The following NPIPB2 variants were observed in gnomAD, a reference collection of about 807,000 sequenced individuals.
The protein encoded by NPIPB2 is nuclear pore complex interacting protein family member B2.
NPIPB2 carries 27 observed loss-of-function variants against 30.8 expected under a neutral mutation model. The observed-to-expected ratio is 0.88, with a 90% CI of 0.65 to 1.21. The LOEUF (loss-of-function observed/expected upper bound fraction) is 1.21. Ranked by LOEUF, NPIPB2 falls within the 50% of genes most tolerant of loss-of-function variation. NPIPB2 has a pLI of 0.00. For missense variants in NPIPB2, 440 were observed against 446.2 expected (o/e 0.99, Z 0.13); for synonymous variants, 147 against 162.0 (o/e 0.91, Z 0.70).
At chr16:11,965,170 C>G (rs1040927030) in intron 1 of NPIPB2, 1 of 882,064 alleles carries the variant, frequency 1.1e-6, no homozygotes, top group Non-Finnish European at 1.8e-6. Context: ...CGCGAAGACA[C>G]AGACAGCCCC....
intron 1 of NPIPB2, among the ~76,000 whole-genome samples, chr16:11,952,212 G>A (rs1364758082): frequency 1.3e-5 from 2 of 151,204 alleles, no homozygotes; most frequent in Admixed American, 6.6e-5. Flanking sequence ...GCTGGGTGTG[G>A]TGGCGGGCGT....
At chr16:11,943,059 C>G (rs1162926421), upstream of NPIPB2, among the ~76,000 whole-genome samples, 1 of 152,244 alleles carries the variant, frequency 6.6e-6, no homozygotes, top group Admixed American at 6.5e-5. Flanking sequence ...TGATGGCTCA[C>G]GCCTGTAATC....
intron 1 of NPIPB2, among the ~76,000 whole-genome samples, chr16:11,948,900 G>A (rs1484547645): frequency 1.3e-5 from 2 of 152,114 alleles, no homozygotes; most frequent in African/African-American, 4.8e-5. Context: ...CACTTCGGGA[G>A]GCTGAAGTGG....
intron 1 of NPIPB2, among the ~76,000 whole-genome samples, chr16:11,950,615 G>T (rs555407102): frequency 6.6e-6 from 1 of 152,054 alleles, no homozygotes; most frequent in Non-Finnish European, 1.5e-5. Context: ...AATGTTCTTT[G>T]CACTCTGCCC....
chr16:11,938,284 G>A (rs1654363393), intron 1 of NPIPB2, among the ~76,000 whole-genome samples: 1 of 152,058 alleles, frequency 6.6e-6, no homozygotes, highest in Admixed American at 6.6e-5. Context: ...CCAAAGTGCT[G>A]GGATTACAGG....
chr16:11,941,757 G>T, intron 1 of NPIPB2: 3 of 918,148 alleles, frequency 3.3e-6, no homozygotes, highest in East Asian at 2.6e-5. Flanking sequence ...AGTAGCGCCC[G>T]CATCATTCCA....
chr16:11,940,469 G>A (rs77587670), intron 1 of NPIPB2, among the ~76,000 whole-genome samples: 38,035 of 146,600 alleles, frequency 0.26, 5,670 homozygotes, highest in East Asian at 0.57. Context: ...GGCCAGGCGC[G>A]GTGGCTCACG....
chr16:11,976,478 C>A (rs1257636924), intron 1 of NPIPB2: 1 of 322,744 alleles, frequency 3.1e-6, no homozygotes, highest in Non-Finnish European at 5.6e-6. Context: ...GACGAAGTCG[C>A]CCCATCACTC....
At chr16:11,946,278 G>A (rs2150923158), upstream of NPIPB2, among the ~76,000 whole-genome samples, 1 of 151,086 alleles carries the variant, frequency 6.6e-6, no homozygotes, top group East Asian at 1.9e-4. Context: ...CCAGCTACTT[G>A]GGAGGCTGAG....
chr16:11,941,932 G>A (rs973507859), intron 1 of NPIPB2, 51 bp downstream of exon 1: 12 of 1,032,406 alleles, frequency 1.2e-5, no homozygotes, highest in African/African-American at 6.5e-5. Context: ...CACTTTTGGC[G>A]ACAAAACATA....
intron 1 of NPIPB2, among the ~76,000 whole-genome samples, chr16:11,938,349 G>C (rs1451786562): frequency 1.4e-5 from 2 of 143,562 alleles, no homozygotes; most frequent in East Asian, 2.1e-4. Context: ...TGTTGTTTTT[G>C]AGATGGGGTC....
intron 1 of NPIPB2, among the ~76,000 whole-genome samples, chr16:11,941,654 T>G (rs2054942421): frequency 6.6e-6 from 1 of 151,764 alleles, no homozygotes; most frequent in Non-Finnish European, 1.5e-5. Context: ...GGGCCCTCCC[T>G]TACCAACCCT....
At chr16:11,941,753 G>C in intron 1 of NPIPB2, 1 of 893,790 alleles carries the variant, frequency 1.1e-6, no homozygotes, top group South Asian at 1.4e-5. Context: ...GCCAAGTAGC[G>C]CCCGCATCAT....
At chr16:11,975,788 A>G (rs2055285178) in intron 1 of NPIPB2, among the ~76,000 whole-genome samples, 1 of 151,868 alleles carries the variant, frequency 6.6e-6, no homozygotes, top group Non-Finnish European at 1.5e-5. Flanking sequence ...ATGGGGTTTC[A>G]CTATGTTGGC....
At chr16:11,974,494 G>A (rs747088663) in intron 1 of NPIPB2, among the ~76,000 whole-genome samples, 26 of 152,046 alleles carry the variant, frequency 1.7e-4, no homozygotes, top group Non-Finnish European at 3.1e-4. Context: ...TCCTGCCTGG[G>A]CGACAGAGTG....
upstream of NPIPB2, among the ~76,000 whole-genome samples, chr16:11,946,191 G>C (rs534189138): frequency 1.3e-5 from 2 of 151,980 alleles, no homozygotes; most frequent in East Asian, 1.9e-4. Flanking sequence ...TTCAAGACCA[G>C]CCTGACCAAC....
downstream of NPIPB2, chr16:11,927,324 T>C (rs1213766698): frequency 3.7e-6 from 3 of 802,164 alleles, no homozygotes; most frequent in Non-Finnish European, 6.3e-6. Context: ...GGGTTTTGTT[T>C]TGTTTTTTGA....
upstream of NPIPB2, among the ~76,000 whole-genome samples, chr16:11,945,030 A>AT (rs2054991270): frequency 6.6e-6 from 1 of 151,248 alleles, no homozygotes; most frequent in Admixed American, 6.6e-5. Flanking sequence ...AATAAAAAAA[A>AT]AAAAAAATTA....
exon 4 of NPIPB2, chr16:11,933,529 G>C: frequency 6.3e-7 from 1 of 1,596,930 alleles, no homozygotes; most frequent in Non-Finnish European, 8.5e-7. Context: ...TTTTTTGGCG[G>C]TCTTCCTCTT....
Sources: allele counts gnomAD v4.1 joint callset (sites outside exome capture counted in the v4.1 genomes callset), GRCh38; gene constraint gnomAD v4.1.1; transcripts MANE v1.5; gene names NCBI Gene and HGNC (gene_info 2026-07-23, HGNC 2026-07-21).